NCKAP1: variants seen among roughly 807,000 people sequenced by gnomAD.
NCKAP1 encodes the protein nck-associated protein 1.
In NCKAP1, 21 loss-of-function variants were observed where a neutral mutation model predicts 151.2. The observed-to-expected ratio is 0.14, with a 90% CI of 0.10 to 0.20. NCKAP1 has a LOEUF of 0.20. Ranked by LOEUF, NCKAP1 falls within the 10% of genes least tolerant of loss-of-function variation. The pLI is 1.00. For missense variants in NCKAP1, 933 were observed against 1,352.1 expected, an observed-to-expected ratio of 0.69 and a Z score of 4.86; for synonymous variants, 484 against 451.8, an observed-to-expected ratio of 1.07 and a Z score of -0.90.
intron 1 of NCKAP1, among the ~76,000 whole-genome samples, chr2:183,034,180 A>T (rs1422418988): frequency 6.6e-6 from 1 of 152,150 alleles, no homozygotes; most frequent in Admixed American, 6.5e-5. Context: ...TTCCCCCACT[A>T]AATAAGCAGA....
At chr2:182,973,188 A>T (rs1697734593) in intron 15 of NCKAP1, among the ~76,000 whole-genome samples, 1 of 152,200 alleles carries the variant, frequency 6.6e-6, no homozygotes, top group Admixed American at 6.5e-5. Flanking sequence ...ATAAAAATTT[A>T]AAATTAAAAA....
chr2:182,999,991 A>G (rs575791962), intron 6 of NCKAP1, among the ~76,000 whole-genome samples: 4 of 152,212 alleles, frequency 2.6e-5, no homozygotes, highest in Non-Finnish European at 5.9e-5. Flanking sequence ...GACACTGGGG[A>G]CTCCAGAAGT....
Position 183,002,976 on chromosome 2 carries a change from T to C in NCKAP1, c.367A>G (p.Ile123Val). ...TIDVCQVFFD[I>V]TVNFDLTKNY... ...ATTTTTCTGAAAATGATACTTACAATATCAAAGAAGACTTGGCAAACGTCA... is the reference window on the plus strand; with the variant it reads ...ATTTTTCTGAAAATGATACTTACAACATCAAAGAAGACTTGGCAAACGTCA... The change falls in exon 4 of 31, where the codon ATT (isoleucine) becomes GTT (valine). Residue 123 changes from isoleucine to valine, a missense_variant and splice_region_variant. By Grantham distance (29) the Ile-to-Val change is conservative. Around this residue, in one of 2 missense-constraint regions of NCKAP1, gnomAD observed 607 missense variants for 795.0 expected, o/e 0.76. Transcript: ENST00000361354. 2 of 1,605,858 alleles carry C rather than the reference T, an allele frequency of 1.2e-6. No homozygotes were observed. The highest frequency in any genetic ancestry group is 1.7e-6 in the Non-Finnish European group (2 of 1,174,292).
At chr2:183,022,552 C>T (rs1304927598) in intron 2 of NCKAP1, among the ~76,000 whole-genome samples, 1 of 152,078 alleles carries the variant, frequency 6.6e-6, no homozygotes, top group Non-Finnish European at 1.5e-5. Context: ...TTTAAGAGGT[C>T]GAAGCAGAAG....
chr2:182,956,701 C>T (rs747960267), intron 19 of NCKAP1, 108 bp from the exon 20 acceptor site: 28 of 1,175,254 alleles, frequency 2.4e-5, no homozygotes, highest in Middle Eastern at 3.0e-4. Context: ...TTAGAGAATT[C>T]GACTTTTTAT....
At chr2:183,028,346 TA>T (rs1318437953) in intron 1 of NCKAP1, among the ~76,000 whole-genome samples, 1 of 152,112 alleles carries the variant, frequency 6.6e-6, no homozygotes, top group Non-Finnish European at 1.5e-5. Context: ...TAAAATACTA[TA>T]ATTTCAAATT....
At chr2:183,024,017 T>A in intron 1 of NCKAP1, 101 bp from the exon 2 acceptor site, 1 of 937,394 alleles carries the variant, frequency 1.1e-6, no homozygotes, top group Non-Finnish European at 1.6e-6. Context: ...TTATTGTTTT[T>A]GGTGAGCAGG....
At chr2:183,016,099 T>C (rs929592263) in intron 2 of NCKAP1, among the ~76,000 whole-genome samples, 6 of 152,174 alleles carry the variant, frequency 3.9e-5, no homozygotes, top group African/African-American at 1.4e-4. Flanking sequence ...CAGTAACCTG[T>C]AGAAATTCTA....
rs186187389 is a variant in NCKAP1 at position 182,974,248 on chromosome 2, C to T, written c.1482+2645G>A. 2.8e-5 allele frequency among the ~76,000 whole-genome samples: 4 copies of T among 140,762 alleles called. No homozygotes were observed. In the East Asian group the frequency reaches 8.1e-4, roughly 28 times the overall value. The allele number at this position is 140,762 out of a possible 152,430, so 92.3% of individuals were successfully genotyped here. ...TCTTTCCTTCCTTTGTATGCATTGT[C>T]CTGTTGTCACTAAAAAAAAAAAAAA... On this transcript the variant is annotated intron_variant, in intron 15 of 30. Coordinates refer to ENST00000361354, the MANE Select transcript of NCKAP1 (RefSeq NM_013436.5).
intron 10 of NCKAP1, among the ~76,000 whole-genome samples, chr2:182,985,488 T>C (rs984412147): frequency 1.5e-4 from 23 of 150,666 alleles, no homozygotes; most frequent in African/African-American, 5.5e-4. Flanking sequence ...AAATTAAAAT[T>C]GGGAAAGAGG....
chr2:183,013,408 G>A (rs1209888563), intron 2 of NCKAP1, among the ~76,000 whole-genome samples: 1 of 152,022 alleles, frequency 6.6e-6, no homozygotes, highest in Non-Finnish European at 1.5e-5. Context: ...ATCTTGACAT[G>A]AGTTCAGGCC....
chr2:182,952,746 G>C (rs1278698610), intron 22 of NCKAP1, 47 bp downstream of exon 22: 1 of 1,507,892 alleles, frequency 6.6e-7, no homozygotes, highest in South Asian at 1.3e-5. Flanking sequence ...ACTAGCAAAA[G>C]AATTAAGTGT....
chr2:182,983,190 T>C lies in NCKAP1; in HGVS notation c.1101+96A>G, dbSNP rs1361727241. 3.1e-6 allele frequency: 3 copies of C among 968,678 alleles called. No homozygotes were observed. In the African/African-American group the frequency reaches 5.0e-5, roughly 16 times the overall value. 60.0% of individuals were successfully genotyped at this position (968,678 alleles called of 1,614,324 possible). The stretch of plus-strand genomic sequence containing the variant: ...CACTAAATATAAAAATCCTTTTATG[T>C]AGTCCCTGACTCAAATTTCAGTAAA... On this transcript the variant is annotated intron_variant, in intron 11 of 30. Transcript: ENST00000361354.
At chr2:183,005,133 G>C (rs1380492748) in intron 2 of NCKAP1, among the ~76,000 whole-genome samples, 1 of 152,094 alleles carries the variant, frequency 6.6e-6, no homozygotes, top group Non-Finnish European at 1.5e-5. Flanking sequence ...TAAACATTTA[G>C]AATTGATGTC....
chr2:182,983,434 T>C (rs781595531), intron 10 of NCKAP1, 52 bp from the exon 11 acceptor site: 3 of 1,353,670 alleles, frequency 2.2e-6, no homozygotes, highest in Non-Finnish European at 3.1e-6. Context: ...AAATTATTAT[T>C]GGCAATTAAA....
intron 2 of NCKAP1, among the ~76,000 whole-genome samples, chr2:183,008,986 T>C (rs974398702): frequency 3.9e-5 from 6 of 152,186 alleles, no homozygotes; most frequent in Non-Finnish European, 7.4e-5. Context: ...TCTTTTGTAG[T>C]GTATTTCTTT....
intron 1 of NCKAP1, 38 bp downstream of exon 1, chr2:183,037,954 C>T (rs767476505): frequency 4.4e-5 from 67 of 1,521,466 alleles, no homozygotes; most frequent in Non-Finnish European, 5.7e-5. Flanking sequence ...CTCCCGGGCC[C>T]GCCCGCCTCC....
At chr2:182,943,624 T>C (rs1446591318) in intron 23 of NCKAP1, among the ~76,000 whole-genome samples, 4 of 151,882 alleles carry the variant, frequency 2.6e-5, no homozygotes, top group Non-Finnish European at 5.9e-5. Context: ...ATGCACCTTA[T>C]TCTATGTGTC....
In NCKAP1 at chr2:182,973,146, C is replaced by A. The variant is rs533273764; in HGVS notation, c.1482+3747G>T. ...TGCTTGTATCAAAATATCACATGTACCCCCATAAATATGTACAACTATTAT... is the reference window on the plus strand; with the variant it reads ...TGCTTGTATCAAAATATCACATGTAACCCCATAAATATGTACAACTATTAT... On this transcript the variant is annotated intron_variant, in intron 15 of 30. Transcript: ENST00000361354. Among the ~76,000 whole-genome samples the A allele has an allele frequency of 4.0e-5, 6 of 151,810 alleles. No individual in the cohort carries two copies. In the South Asian group the frequency reaches 1.2e-3, roughly 32 times the overall value.
Sources: allele counts gnomAD v4.1 joint callset (sites outside exome capture counted in the v4.1 genomes callset), GRCh38; gene constraint gnomAD v4.1.1; regional missense constraint gnomAD v4.1.1; transcripts MANE v1.5; gene names NCBI Gene and HGNC (gene_info 2026-07-23, HGNC 2026-07-21).